The following SUZ12 variants were observed in gnomAD, a reference collection of about 807,000 sequenced individuals.
The protein encoded by SUZ12 is polycomb protein SUZ12.
Under a neutral mutation model 87.3 loss-of-function variants are expected in SUZ12, and 17 were observed. That is an observed-to-expected ratio of 0.19 (90% CI 0.13 to 0.29). The LOEUF is 0.29. Ranked by LOEUF, SUZ12 falls within the 10% of genes least tolerant of loss-of-function variation. The pLI is 1.00. For synonymous variants in SUZ12, 253 were observed against 312.4 expected (o/e 0.81, Z 2.01); for missense variants, 526 against 912.2 (o/e 0.58, Z 5.45).
At chr17:31,987,286 A>G (rs1184192731) in intron 9 of SUZ12, among the ~76,000 whole-genome samples, 2 of 152,256 alleles carry the variant, frequency 1.3e-5, no homozygotes, top group East Asian at 1.9e-4. Flanking sequence ...TTTTAGTTCA[A>G]GGTGACATTG....
chr17:31,951,355 G>C (rs1906966463), intron 4 of SUZ12, among the ~76,000 whole-genome samples: 2 of 152,098 alleles, frequency 1.3e-5, no homozygotes, highest in Non-Finnish European at 2.9e-5. Flanking sequence ...AGCATTATCT[G>C]TTCAAAAGAA....
In SUZ12 at chr17:32,000,501, C is replaced by T. The variant is rs1458448064; in HGVS notation, c.*1498C>T. The T allele has an allele frequency of 4.3e-5, 10 of 232,430 alleles. No individual in the cohort carries two copies. Among genetic ancestry groups the T allele is most frequent in the Non-Finnish European group, 8.5e-5 (10 of 117,706 alleles). The allele number at this position is 232,430 out of a possible 1,614,324, so 14.4% of individuals were successfully genotyped here. On this transcript the variant is annotated 3_prime_UTR_variant, in exon 16 of 16. Coordinates refer to ENST00000322652, the MANE Select transcript of SUZ12 (RefSeq NM_015355.4). Reference sequence around the variant, plus strand: ...AAAATAGGAAAGAGGGAAACTGCAGCTTTCATTACAGATTCCTTGATTGGT... The same window carrying T: ...AAAATAGGAAAGAGGGAAACTGCAGTTTTCATTACAGATTCCTTGATTGGT...
At chr17:31,992,300 A>G (rs1286669310) in intron 10 of SUZ12, among the ~76,000 whole-genome samples, 1 of 152,156 alleles carries the variant, frequency 6.6e-6, no homozygotes, top group East Asian at 1.9e-4. Context: ...AACAACAACA[A>G]AAAAACACAT....
Position 32,000,632 on chromosome 17 carries a change from TAAAAA to T in SUZ12, c.*1642_*1646del, listed in dbSNP as rs769296762. The T allele has an allele frequency of 4.4e-5, 9 of 202,670 alleles. No homozygotes were observed. Among genetic ancestry groups the T allele is most frequent in the Admixed American group, 6.7e-5 (1 of 14,930 alleles). The allele number at this position is 202,670 out of a possible 1,614,324, so 12.6% of individuals were successfully genotyped here. On this transcript the variant is annotated 3_prime_UTR_variant, in exon 16 of 16. Transcript: ENST00000322652. ...AATTTGCTAAAGCTGTGCACATATG[TAAAAA>T]AAAAAAAAAAAAGATTATTTTAGGG...
At chr17:31,981,381 C>T (rs536105657) in intron 8 of SUZ12, among the ~76,000 whole-genome samples, 28 of 152,244 alleles carry the variant, frequency 1.8e-4, no homozygotes, top group African/African-American at 2.4e-4. Context: ...CACTGAGATG[C>T]GTTTTTTCAC....
Position 31,999,935 on chromosome 17 carries a change from C to T in SUZ12, c.*932C>T. On this transcript the variant is annotated 3_prime_UTR_variant, in exon 16 of 16. Coordinates refer to ENST00000322652, the MANE Select transcript of SUZ12 (RefSeq NM_015355.4). ...AAAAGTCAACCAGAAAACTGTTATG[C>T]CTTTTATTTGTTTGCAAGGATGTCT... 4.3e-6 allele frequency: 1 copy of T among 232,622 alleles called. No homozygotes were observed. The highest frequency in any genetic ancestry group is 8.5e-6 in the Non-Finnish European group (1 of 117,734). 14.4% of individuals were successfully genotyped at this position (232,622 alleles called of 1,614,324 possible).
At chr17:31,970,901 T>A (rs1908390268) in intron 5 of SUZ12, among the ~76,000 whole-genome samples, 1 of 152,208 alleles carries the variant, frequency 6.6e-6, no homozygotes. Context: ...TAGTTCTGGA[T>A]GTTATTGAAG....
rs1362292707 is a variant in SUZ12 at position 31,999,933 on chromosome 17, T to C, written c.*930T>C. Reference sequence around the variant, plus strand: ...TAAAAAGTCAACCAGAAAACTGTTATGCCTTTTATTTGTTTGCAAGGATGT... The same window carrying C: ...TAAAAAGTCAACCAGAAAACTGTTACGCCTTTTATTTGTTTGCAAGGATGT... On this transcript the variant is annotated 3_prime_UTR_variant, in exon 16 of 16. Coordinates refer to ENST00000322652, the MANE Select transcript of SUZ12 (RefSeq NM_015355.4). 2 of 232,712 alleles carry C rather than the reference T, an allele frequency of 8.6e-6. No homozygotes were observed. The highest frequency in any genetic ancestry group is 1.7e-5 in the Non-Finnish European group (2 of 117,812). The allele number at this position is 232,712 out of a possible 1,614,324, so 14.4% of individuals were successfully genotyped here. A position where few individuals can be genotyped will look rare whatever the true frequency, so the allele number is the denominator to read the frequency against.
In SUZ12 at chr17:31,969,645, G is replaced by GATAA. The variant is rs147965951; in HGVS notation, c.505+3452_505+3453insAATA. Among the ~76,000 whole-genome samples, 1,142 of 152,234 alleles carry GATAA rather than the reference G, an allele frequency of 7.5e-3. 9 individuals carry two copies. Among genetic ancestry groups the GATAA allele is most frequent in the African/African-American group, 0.026 (1,090 of 41,532 alleles). On this transcript the variant is annotated intron_variant, in intron 5 of 15. Coordinates refer to ENST00000322652, the MANE Select transcript of SUZ12 (RefSeq NM_015355.4). ...TTGAAACTAGTAGAAGTTGGAAGTA[G>GATAA]ATATATTGTGTTTCTTTTCCATCCA...
At chr17:31,961,513 C>T (rs550624615) in intron 4 of SUZ12, among the ~76,000 whole-genome samples, 44 of 152,304 alleles carry the variant, frequency 2.9e-4, no homozygotes, top group Admixed American at 2.7e-3. Flanking sequence ...CACTGCACTC[C>T]AGCCTGGGCT....
chr17:31,954,720 G>A (rs1907205491), intron 4 of SUZ12, among the ~76,000 whole-genome samples: 1 of 152,142 alleles, frequency 6.6e-6, no homozygotes, highest in Non-Finnish European at 1.5e-5. Context: ...TGACGATCAG[G>A]GAAGGCATCT....
intron 15 of SUZ12, among the ~76,000 whole-genome samples, chr17:31,997,785 G>A (rs187697055): frequency 4.3e-4 from 65 of 151,938 alleles, no homozygotes; most frequent in African/African-American, 1.5e-3. Flanking sequence ...TTAGTGCCAC[G>A]TGTTTCATGT....
intron 1 of SUZ12, 45 bp from the exon 2 acceptor site, chr17:31,940,241 C>G (rs1373638602): frequency 6.3e-7 from 1 of 1,574,956 alleles, no homozygotes; most frequent in South Asian, 1.2e-5. Flanking sequence ...ATTTTTCTGA[C>G]AAGTAAGTTT....
chr17:31,946,731 T>C (rs1444961041), intron 3 of SUZ12, among the ~76,000 whole-genome samples: 1 of 152,178 alleles, frequency 6.6e-6, no homozygotes, highest in Non-Finnish European at 1.5e-5. Context: ...TATATATGGG[T>C]ATAGATTTTT....
chr17:31,978,563 A>G (rs933127667), intron 8 of SUZ12, among the ~76,000 whole-genome samples: 7 of 152,146 alleles, frequency 4.6e-5, no homozygotes, highest in East Asian at 1.9e-4. Flanking sequence ...ATGGAAAACA[A>G]TAGAACCATA....
At chr17:31,990,661 A>G (rs1909674749) in intron 10 of SUZ12, among the ~76,000 whole-genome samples, 1 of 152,028 alleles carries the variant, frequency 6.6e-6, no homozygotes, top group Admixed American at 6.5e-5. Flanking sequence ...CATCGCGCCC[A>G]GCCAGTTTTT....
At position 31,942,841 on chromosome 17, in the gene SUZ12, T is replaced by C. The variant is rs1303315816; in HGVS notation, c.386+2355T>C. On this transcript the variant is annotated intron_variant, in intron 3 of 15. Transcript: ENST00000322652. ...GTCCTAGGTGCAAGATTATATTTAT[T>C]TGAGAGTATCAGGTGAACAAGTTTA... Among the ~76,000 whole-genome samples, 7 of 152,312 alleles carry C rather than the reference T, an allele frequency of 4.6e-5. No individual in the cohort carries two copies. The East Asian group carries it at 1.4e-3, about 29-fold the overall frequency.
chr17:31,958,949 T>C (rs1296145468), intron 4 of SUZ12, among the ~76,000 whole-genome samples: 2 of 151,978 alleles, frequency 1.3e-5, no homozygotes, highest in Non-Finnish European at 2.9e-5. Context: ...ACCCAGGAGG[T>C]GGAGGTTGCA....
At chr17:31,998,014 G>A (rs947063542) in intron 15 of SUZ12, among the ~76,000 whole-genome samples, 1 of 152,014 alleles carries the variant, frequency 6.6e-6, no homozygotes. Context: ...AAGGCAGGAG[G>A]ATCACTTGAG....
Sources: gnomAD v4.1 joint callset for allele counts (sites outside exome capture counted in the v4.1 genomes callset) on GRCh38, gnomAD v4.1.1 for gene constraint, MANE v1.5 for transcripts, NCBI Gene and HGNC (gene_info 2026-07-23, HGNC 2026-07-21) for gene names.